The following COL4A3 variants were observed in gnomAD, a reference collection of about 807,000 sequenced individuals.
The protein encoded by COL4A3 is collagen alpha-3(IV) chain.
A neutral mutation model predicts 217.4 loss-of-function variants in COL4A3; 135 were observed. The observed-to-expected ratio is 0.62, with a 90% confidence interval of 0.54 to 0.72. The LOEUF is 0.72. Among genes scored for constraint, COL4A3 ranks in the 30% least tolerant of loss-of-function variants. COL4A3 has a pLI of 0.00. For missense variants in COL4A3, 1,868 were observed against 2,119.9 expected, an observed-to-expected ratio of 0.88 and a Z score of 2.33; for synonymous variants, 690 against 736.3, an observed-to-expected ratio of 0.94 and a Z score of 1.02.
At chr2:227,231,688 ATTTTGT>A (rs1277908401) in intron 1 of COL4A3, among the ~76,000 whole-genome samples, 3 of 151,872 alleles carry the variant, frequency 2.0e-5, no homozygotes, top group African/African-American at 4.8e-5. Context: ...GTCCAGCTAA[ATTTTGT>A]TTTTGTTTTC....
rs1466592212 is a variant in COL4A3, at chr2:227,307,887, A to G, written c.4430A>G (p.Gln1477Arg). The change falls in exon 48 of 52, where the codon CAA becomes CGA. Residue 1477 changes from glutamine (Q) to arginine (R), a missense_variant. This residue lies in a region of COL4A3 where 1,503 missense variants were observed against 1,786.1 expected (regional missense o/e 0.84). Transcript: ENST00000396578. Reference sequence around the variant, plus strand: ...AGTGGGTTTTCTTTTCTTTTTGTACAAGGAAATCAACGAGCCCACGGACAA... The same window carrying G: ...AGTGGGTTTTCTTTTCTTTTTGTACGAGGAAATCAACGAGCCCACGGACAA... ...LYSGFSFLFV[Q>R]GNQRAHGQDL... 1.9e-6 allele frequency: 3 copies of G among 1,614,172 alleles called. No homozygotes were observed. The highest frequency in any genetic ancestry group is 1.7e-4 in the Middle Eastern group (1 of 6,054).
chr2:227,180,604 G>A (rs923945915), intron 1 of COL4A3, among the ~76,000 whole-genome samples: 5 of 152,204 alleles, frequency 3.3e-5, no homozygotes, highest in Non-Finnish European at 2.9e-5. Context: ...GAAAGGCACT[G>A]TTGTGACAGT....
intron 35 of COL4A3, among the ~76,000 whole-genome samples, 154 bp downstream of exon 35, chr2:227,289,402 T>C (rs1358626397): frequency 1.3e-5 from 2 of 152,204 alleles, no homozygotes; most frequent in Non-Finnish European, 2.9e-5. Flanking sequence ...TAAAAGAAGG[T>C]GTTGATAGTT....
chr2:227,227,527 CA>C (rs1232931212), intron 1 of COL4A3, among the ~76,000 whole-genome samples: 65 of 142,978 alleles, frequency 4.5e-4, no homozygotes, highest in South Asian at 4.4e-4. Context: ...GACTCCATCT[CA>C]AAAAAAAAAA....
chr2:227,287,456 C>A (rs1442514582), intron 34 of COL4A3, among the ~76,000 whole-genome samples: 2 of 151,872 alleles, frequency 1.3e-5, no homozygotes, highest in Non-Finnish European at 2.9e-5. Context: ...TAAAACCCGT[C>A]TTTAACCCTA....
chr2:227,213,901 C>CAAAAAAAA (rs5839195), intron 1 of COL4A3, among the ~76,000 whole-genome samples: 5 of 89,244 alleles, frequency 5.6e-5, no homozygotes, highest in African/African-American at 9.8e-5. Context: ...AACTCTGTCT[C>CAAAAAAAA]AAAAAAAAAA....
chr2:227,254,760 G>T, intron 15 of COL4A3, 45 bp downstream of exon 15: 1 of 1,346,130 alleles, frequency 7.4e-7, no homozygotes, highest in South Asian at 1.2e-5. Context: ...GATTAGTCAG[G>T]ACTTGGGACT....
Position 227,246,692 on chromosome 2 carries a change from AG to A in COL4A3, c.399del (p.Pro135GlnfsTer18). 6.2e-7 allele frequency: 1 copy of A among 1,611,886 alleles called. No homozygotes were observed. The highest frequency in any genetic ancestry group is 1.3e-5 in the African/African-American group (1 of 74,994). On this transcript the variant is annotated frameshift_variant, in exon 7 of 52. Transcript: ENST00000396578. LOFTEE classifies it high-confidence loss of function. ...ACTTTGTATGTCTTTTAGGGTGAGC[AG>A]GGGTTTCCAGGACTCCCAGGGACAC... is the stretch of plus-strand genomic sequence containing the variant. ...VPGCSGSKGE[Q>X]GFPGLPGTLG...
intron 1 of COL4A3, among the ~76,000 whole-genome samples, chr2:227,202,846 C>CAT (rs1385584313): frequency 3.2e-4 from 10 of 31,488 alleles, no homozygotes; most frequent in African/African-American, 1.4e-3. Context: ...TGTATATATA[C>CAT]ATATGTGTAT....
At chr2:227,306,676 G>T (rs760369690) in intron 47 of COL4A3, among the ~76,000 whole-genome samples, 27 of 152,102 alleles carry the variant, frequency 1.8e-4, no homozygotes, top group Non-Finnish European at 2.5e-4. Context: ...TAATATTGGG[G>T]CTTTTACAAA....
intron 9 of COL4A3, among the ~76,000 whole-genome samples, chr2:227,249,954 CT>C (rs2069633372): frequency 6.6e-6 from 1 of 152,144 alleles, no homozygotes; most frequent in East Asian, 1.9e-4. Context: ...TATTTTTTAC[CT>C]GCCAATTATG....
At position 227,244,366 on chromosome 2, in the gene COL4A3, T is replaced by C; in HGVS notation, c.279+2T>C. 6.2e-7 allele frequency: 1 copy of C among 1,613,662 alleles called. No homozygotes were observed. Among genetic ancestry groups the C allele is most frequent in the Non-Finnish European group, 8.5e-7 (1 of 1,179,712 alleles). ...CTCACGGGTTCCAAAGGTGTAAGGG[T>C]TAGTAGTCCAACCAGTCCACCCTGA... is the stretch of plus-strand genomic sequence containing the variant. On this transcript the variant is annotated splice_donor_variant, in intron 4 of 51. Transcript: ENST00000396578. LOFTEE classifies it high-confidence loss of function.
Position 227,261,115 on chromosome 2 carries a change from C to T in COL4A3, c.1148C>T (p.Pro383Leu). 1 of 1,610,646 alleles carries T rather than the reference C, an allele frequency of 6.2e-7. No homozygotes were observed. The highest frequency in any genetic ancestry group is 8.5e-7 in the Non-Finnish European group (1 of 1,176,854). Residue 383 changes from proline to leucine, a missense_variant and splice_region_variant, in exon 20 of 52, where the codon CCT becomes CTT. This residue lies in a region of COL4A3 where 1,503 missense variants were observed against 1,786.1 expected (regional missense o/e 0.84). Transcript: ENST00000396578. The stretch of plus-strand genomic sequence containing the variant: ...GGTCCCCCCGGAGTTCCTGGAAGTC[C>T]TGGTATGTCCATGTTTCTTGGGGTA... ...PSGPPGVPGS[P>L]GSSRPGLRGA...
At position 227,297,803 on chromosome 2, in the gene COL4A3, C is replaced by T. The variant is rs767171618; in HGVS notation, c.3695C>T (p.Ala1232Val). ...CCAGGGCCACCAGGTCTGCCCGGTGCAATTATCCCTGGCCAGACAGGAAAT... is the reference window on the plus strand; with the variant it reads ...CCAGGGCCACCAGGTCTGCCCGGTGTAATTATCCCTGGCCAGACAGGAAAT... ...GFPGPPGLPGAIIPGQTGNRG... is the reference protein window; with the variant it reads ...GFPGPPGLPGVIIPGQTGNRG... The change falls in exon 42 of 52, where the codon GCA becomes GTA. Residue 1232 changes from alanine (A) to valine (V), a missense_variant. Physicochemically the swap from Ala to Val is moderately conservative, Grantham distance 64 (BLOSUM62 0). Transcript: ENST00000396578. 40 of 1,572,814 alleles carry T rather than the reference C, an allele frequency of 2.5e-5. No homozygotes were observed. The highest frequency in any genetic ancestry group is 1.7e-6 in the Non-Finnish European group (2 of 1,158,466).
intron 1 of COL4A3, among the ~76,000 whole-genome samples, chr2:227,192,448 A>AGTT (rs60844201): frequency 0.93 from 140,850 of 152,210 alleles, 65,413 homozygotes; most frequent in East Asian, 1. Context: ...CAACCTTTTC[A>AGTT]TCTCTACCCT....
At chr2:227,289,952 T>C in intron 35 of COL4A3, 47 bp from the exon 36 acceptor site, 2 of 1,563,440 alleles carry the variant, frequency 1.3e-6, no homozygotes, top group South Asian at 2.2e-5. Flanking sequence ...AAACACATAC[T>C]ATGTCCAGGA....
In COL4A3 at chr2:227,293,086, T is replaced by C; in HGVS notation, c.3211-105T>C. On this transcript the variant is annotated intron_variant, in intron 37 of 51. Coordinates refer to ENST00000396578, the MANE Select transcript of COL4A3 (RefSeq NM_000091.5). The stretch of plus-strand genomic sequence containing the variant: ...TGCTGGCAGATAGCAGATACTAATA[T>C]GAATTGATGAATGAATGAAAAAATT... 2.8e-6 allele frequency: 4 copies of C among 1,450,458 alleles called. No homozygotes were observed. In the South Asian group the frequency reaches 3.6e-5, roughly 13 times the overall value. 89.8% of individuals were successfully genotyped at this position (1,450,458 alleles called of 1,614,324 possible). A position where few individuals can be genotyped will look rare whatever the true frequency, so the allele number is the denominator to read the frequency against.
At chr2:227,309,389 T>C in intron 50 of COL4A3, 71 bp downstream of exon 50, 4 of 1,219,310 alleles carry the variant, frequency 3.3e-6, no homozygotes, top group Non-Finnish European at 4.7e-6. Flanking sequence ...CTGGGTAAAA[T>C]GTGATTCCCA....
chr2:227,267,119 C>T (rs759010879), intron 23 of COL4A3, 31 bp downstream of exon 23: 11 of 1,526,398 alleles, frequency 7.2e-6, no homozygotes, highest in Non-Finnish European at 8.2e-6. Context: ...AGTGTTTTTG[C>T]AAGCACAAAA....
Sources: gnomAD v4.1 joint callset for allele counts (sites outside exome capture counted in the v4.1 genomes callset) on GRCh38, gnomAD v4.1.1 for gene constraint, gnomAD v4.1.1 regional missense constraint, MANE v1.5 for transcripts, NCBI Gene and HGNC (gene_info 2026-07-23, HGNC 2026-07-21) for gene names.